Variants in CSMD1 observed in about 807,000 individuals in gnomAD.
CSMD1 encodes CUB and Sushi multiple domains 1.
CSMD1 carries 213 observed loss-of-function variants against 417.5 expected under a neutral mutation model. The observed-to-expected ratio is 0.51, with a 90% CI of 0.46 to 0.57. The LOEUF is 0.57. Among genes scored for constraint, CSMD1 ranks in the 20% least tolerant of loss-of-function variants. The probability of loss-of-function intolerance (pLI) is 0.00; values close to 1 mark genes in which losing one functional copy is unlikely to be tolerated. For synonymous variants in CSMD1, 2,862 were observed against 1,736.8 expected (o/e 1.65, Z -16.11); for missense variants, 6,923 against 4,529.7 (o/e 1.53, Z -15.17).
intron 3 of CSMD1, among the ~76,000 whole-genome samples, chr8:4,303,674 G>A (rs1798103007): frequency 6.6e-6 from 1 of 151,522 alleles, no homozygotes; most frequent in Admixed American, 6.6e-5. Context: ...TTATTTTTTT[G>A]AGATGTAGTC....
At chr8:4,810,270 T>A (rs1203803167) in intron 1 of CSMD1, among the ~76,000 whole-genome samples, 1 of 152,258 alleles carries the variant, frequency 6.6e-6, no homozygotes. Context: ...ATTTACCTAA[T>A]AAAATTCAAA....
At chr8:4,522,849 G>A (rs1014657541) in intron 2 of CSMD1, among the ~76,000 whole-genome samples, 1 of 152,112 alleles carries the variant, frequency 6.6e-6, no homozygotes, top group Non-Finnish European at 1.5e-5. Flanking sequence ...TCCTTTTCAG[G>A]GAACCATGCC....
intron 11 of CSMD1, among the ~76,000 whole-genome samples, chr8:3,492,097 C>T (rs990913140): frequency 1.3e-5 from 2 of 152,274 alleles, no homozygotes; most frequent in East Asian, 1.9e-4. Flanking sequence ...TGTGAATTTC[C>T]TCCAGCAAAG....
intron 1 of CSMD1, among the ~76,000 whole-genome samples, chr8:4,654,689 C>A (rs928541267): frequency 2.6e-5 from 4 of 152,192 alleles, no homozygotes; most frequent in African/African-American, 7.2e-5. Context: ...TTCCAGTGGT[C>A]TCACACCTGT....
At chr8:4,072,566 T>C (rs1799615699) in intron 3 of CSMD1, among the ~76,000 whole-genome samples, 2 of 152,336 alleles carry the variant, frequency 1.3e-5, no homozygotes, top group South Asian at 4.1e-4. Flanking sequence ...TTTTCATATA[T>C]ATAAGAAATA....
At chr8:4,241,531 G>A (rs917850704) in intron 3 of CSMD1, among the ~76,000 whole-genome samples, 7 of 152,132 alleles carry the variant, frequency 4.6e-5, no homozygotes, top group Admixed American at 6.5e-5. Flanking sequence ...AGGGTCTCTA[G>A]TGCACCACTC....
At position 4,044,844 on chromosome 8, in the gene CSMD1, A is replaced by G. The variant is rs185136615; in HGVS notation, c.416-12745T>C. Among the ~76,000 whole-genome samples the G allele has an allele frequency of 3.9e-3, 598 of 152,340 alleles. 2 individuals carry two copies. The highest frequency in any genetic ancestry group is 0.014 in the African/African-American group (577 of 41,584). On this transcript the variant is annotated intron_variant, in intron 3 of 69. Coordinates refer to ENST00000635120, the MANE Select transcript of CSMD1 (RefSeq NM_033225.6). ...TCGATGAGTAGCACCCCAGGCTTGT[A>G]CCATGCTGGGGACTGCACCATCCTG...
At chr8:3,314,690 C>A (rs113909449) in intron 23 of CSMD1, among the ~76,000 whole-genome samples, 1 of 152,216 alleles carries the variant, frequency 6.6e-6, no homozygotes, top group African/African-American at 2.4e-5. Flanking sequence ...ATGAAAATTA[C>A]TTCTCCATAT....
chr8:4,126,055 C>G (rs879893838), intron 3 of CSMD1, among the ~76,000 whole-genome samples: 13 of 151,916 alleles, frequency 8.6e-5, no homozygotes, highest in Admixed American at 8.5e-4. Flanking sequence ...TAATCTGGCC[C>G]GACCAGTTTT....
chr8:2,949,016 T>C (rs1263571514), intron 68 of CSMD1, among the ~76,000 whole-genome samples: 2 of 151,966 alleles, frequency 1.3e-5, no homozygotes, highest in African/African-American at 4.8e-5. Flanking sequence ...GGTAATATAC[T>C]TTGCTTATAC....
Position 4,668,840 on chromosome 8 carries a change from C to G in CSMD1, c.86-31282G>C, listed in dbSNP as rs183640706. ...ATTTCTTCTCTATATCTGTTATCCT[C>G]TCTCTACCATGTTTATCTCTGTATT... On this transcript the variant is annotated intron_variant, in intron 1 of 69. Transcript: ENST00000635120. 4.7e-3 allele frequency among the ~76,000 whole-genome samples: 712 copies of G among 152,250 alleles called. 6 individuals carry two copies. Among genetic ancestry groups the G allele is most frequent in the African/African-American group, 0.012 (507 of 41,550 alleles).
At chr8:3,082,217 C>T (rs916220964) in intron 49 of CSMD1, among the ~76,000 whole-genome samples, 2 of 152,198 alleles carry the variant, frequency 1.3e-5, no homozygotes, top group African/African-American at 2.4e-5. Flanking sequence ...AGACAGGATG[C>T]GTGCCAATCA....
chr8:3,384,089 G>A (rs531421524), intron 18 of CSMD1, among the ~76,000 whole-genome samples: 10 of 152,112 alleles, frequency 6.6e-5, no homozygotes, highest in Non-Finnish European at 1.3e-4. Flanking sequence ...TGGAGTCCTG[G>A]AAAAGTTCGT....
intron 2 of CSMD1, among the ~76,000 whole-genome samples, chr8:4,428,006 C>G (rs543150939): frequency 2.8e-4 from 42 of 152,248 alleles, no homozygotes; most frequent in African/African-American, 9.9e-4. Context: ...TAAAGATATT[C>G]CAAGTAGCTA....
chr8:3,962,740 G>C (rs1156292715), intron 5 of CSMD1, among the ~76,000 whole-genome samples: 1 of 152,068 alleles, frequency 6.6e-6, no homozygotes, highest in Non-Finnish European at 1.5e-5. Context: ...TGGACTCAAG[G>C]CTGGACACTC....
intron 3 of CSMD1, among the ~76,000 whole-genome samples, chr8:4,229,028 G>T (rs183481288): frequency 6.5e-4 from 99 of 152,224 alleles, no homozygotes; most frequent in Non-Finnish European, 1.2e-3. Flanking sequence ...ACATATATCC[G>T]ACTGTCTTCT....
chr8:3,777,055 A>G (rs1798930694), intron 5 of CSMD1, among the ~76,000 whole-genome samples: 1 of 151,394 alleles, frequency 6.6e-6, no homozygotes, highest in Non-Finnish European at 1.5e-5. Context: ...ATCTGTCTAT[A>G]TCTGTTTACA....
intron 9 of CSMD1, among the ~76,000 whole-genome samples, chr8:3,579,044 G>T (rs1013998813): frequency 2.6e-5 from 4 of 152,210 alleles, no homozygotes; most frequent in Non-Finnish European, 5.9e-5. Context: ...CGACATGCTT[G>T]ATAAAGGTAC....
rs539655755 is a variant in CSMD1 at position 3,478,182 on chromosome 8, T to C, written c.1449-9358A>G. Among the ~76,000 whole-genome samples, 9 of 152,352 alleles carry C rather than the reference T, an allele frequency of 5.9e-5. 1 individual carries two copies. The South Asian group carries it at 6.2e-4, about 11-fold the overall frequency. On this transcript the variant is annotated intron_variant, in intron 11 of 69. Coordinates refer to ENST00000635120, the MANE Select transcript of CSMD1 (RefSeq NM_033225.6). ...TACAGCCAGGTGGCACAGAAGATGA[T>C]GTGACTTAACATCAATCATTTACAA... is the stretch of plus-strand genomic sequence containing the variant.
Sources: gnomAD v4.1 joint callset for allele counts (sites outside exome capture counted in the v4.1 genomes callset) on GRCh38, gnomAD v4.1.1 for gene constraint, MANE v1.5 for transcripts, NCBI Gene and HGNC (gene_info 2026-07-23, HGNC 2026-07-21) for gene names.